CRTAC1: variants seen among roughly 807,000 people sequenced by gnomAD.
CRTAC1 encodes the protein acidic secreted protein in cartilage.
Under a neutral mutation model 67.8 loss-of-function variants are expected in CRTAC1, and 37 were observed. The observed-to-expected ratio is 0.55, with a 90% CI of 0.42 to 0.72. CRTAC1 has a LOEUF of 0.72. Ranked by LOEUF, CRTAC1 falls within the 30% of genes least tolerant of loss-of-function variation. The probability of loss-of-function intolerance (pLI) is 0.00; values close to 1 mark genes in which losing one functional copy is unlikely to be tolerated. For missense variants in CRTAC1, 780 were observed against 931.6 expected, an observed-to-expected ratio of 0.84 and a Z score of 2.12; for synonymous variants, 348 against 371.0, an observed-to-expected ratio of 0.94 and a Z score of 0.71.
chr10:97,916,625 C>T (rs1197831019), intron 5 of CRTAC1, among the ~76,000 whole-genome samples: 1 of 152,220 alleles, frequency 6.6e-6, no homozygotes, highest in Non-Finnish European at 1.5e-5. Context: ...CTGAGGGAGG[C>T]TGCCACTTTG....
intron 7 of CRTAC1, among the ~76,000 whole-genome samples, chr10:97,902,803 T>A (rs534258445): frequency 1.0e-3 from 155 of 152,098 alleles, no homozygotes; most frequent in Non-Finnish European, 1.5e-3. Flanking sequence ...GCAGGCTGGG[T>A]CAGCGGTCGA....
chr10:97,892,499 A>G (rs1008574868), intron 11 of CRTAC1, among the ~76,000 whole-genome samples: 1 of 152,206 alleles, frequency 6.6e-6, no homozygotes, highest in African/African-American at 2.4e-5. Flanking sequence ...AGGAACTCAG[A>G]CCGTGGCGTC....
chr10:97,934,946 C>T (rs2051059637), intron 3 of CRTAC1, among the ~76,000 whole-genome samples: 1 of 98,776 alleles, frequency 1.0e-5, no homozygotes, highest in African/African-American at 4.0e-5. Flanking sequence ...ATGCAAGCAT[C>T]GCGGTGGAGG....
At chr10:97,915,299 G>T (rs1386603951) in intron 5 of CRTAC1, among the ~76,000 whole-genome samples, 1 of 152,242 alleles carries the variant, frequency 6.6e-6, no homozygotes, top group Non-Finnish European at 1.5e-5. Context: ...GGGGCTCTAA[G>T]TGCTAGCTCT....
At chr10:97,902,420 C>T (rs73330702) in intron 7 of CRTAC1, among the ~76,000 whole-genome samples, 2,041 of 152,194 alleles carry the variant, frequency 0.013, 49 homozygotes, top group African/African-American at 0.046. Context: ...TTTTTTGAGA[C>T]ATTTGCTTTG....
chr10:97,902,339 G>A (rs921163826), intron 7 of CRTAC1, among the ~76,000 whole-genome samples: 24 of 152,216 alleles, frequency 1.6e-4, no homozygotes, highest in African/African-American at 5.1e-4. Flanking sequence ...AGGTGAAAGA[G>A]GTTACCTGTA....
intron 14 of CRTAC1, among the ~76,000 whole-genome samples, chr10:97,878,896 A>G (rs1361403325): frequency 6.6e-6 from 1 of 152,170 alleles, no homozygotes; most frequent in African/African-American, 2.4e-5. Flanking sequence ...CTCATCACAC[A>G]TCCTTCACTT....
chr10:98,022,608 T>C (rs574174420), intron 1 of CRTAC1, among the ~76,000 whole-genome samples: 4 of 112,448 alleles, frequency 3.6e-5, no homozygotes, highest in African/African-American at 1.4e-4. Context: ...GTCTGGGATA[T>C]GGGGTGGAGG....
intron 9 of CRTAC1, among the ~76,000 whole-genome samples, chr10:97,896,431 C>T (rs189382892): frequency 6.6e-6 from 1 of 152,162 alleles, no homozygotes; most frequent in African/African-American, 2.4e-5. Context: ...GAGAACAAGA[C>T]CCAGAGGGTA....
At chr10:97,919,215 A>G (rs2050802532) in intron 4 of CRTAC1, among the ~76,000 whole-genome samples, 1 of 152,192 alleles carries the variant, frequency 6.6e-6, no homozygotes, top group Non-Finnish European at 1.5e-5. Flanking sequence ...TGGGTGACAC[A>G]GATGTATCAA....
intron 1 of CRTAC1, among the ~76,000 whole-genome samples, chr10:98,025,449 A>T (rs986754277): frequency 2.6e-5 from 4 of 152,170 alleles, no homozygotes; most frequent in Non-Finnish European, 5.9e-5. Flanking sequence ...CGATAAGGTA[A>T]AAATCATGAG....
intron 8 of CRTAC1, among the ~76,000 whole-genome samples, chr10:97,897,904 G>A (rs891499941): frequency 2.0e-5 from 3 of 152,198 alleles, no homozygotes; most frequent in Admixed American, 2.0e-4. Flanking sequence ...AGAAACACCA[G>A]AGGGCCGTGA....
intron 2 of CRTAC1, among the ~76,000 whole-genome samples, chr10:98,002,761 C>CTGTTTTTTTTTTTTTT (rs771351655): frequency 1.9e-4 from 7 of 37,296 alleles, no homozygotes; most frequent in East Asian, 7.5e-4. Flanking sequence ...ACAAAACTCA[C>CTGTTTTTTTTTTTTTT]TTTTTTTTTT....
At chr10:97,918,674 A>T (rs2050793191) in intron 4 of CRTAC1, among the ~76,000 whole-genome samples, 1 of 152,250 alleles carries the variant, frequency 6.6e-6, no homozygotes, top group Non-Finnish European at 1.5e-5. Context: ...GCTCACAGCA[A>T]CAAGACTGGT....
rs140005302 is a variant in CRTAC1, at chr10:97,904,732, G to A, written c.933C>T (p.Gly311=). Residue 311 remains glycine (G), a synonymous_variant, in exon 7 of 15, where the codon GGC becomes GGT. Transcript: ENST00000370597. ...AGAGGCGGTGGGGGCCATTCCAGTTGCCATAGACGATGTCCACTTTGCCAT... is the reference window on the plus strand; with the variant it reads ...AGAGGCGGTGGGGGCCATTCCAGTTACCATAGACGATGTCCACTTTGCCAT... The part of the protein sequence containing the change: ...NRDGKVDIVY[G]NWNGPHRLYL... 188 of 1,606,242 alleles carry A rather than the reference G, an allele frequency of 1.2e-4. No homozygotes were observed. In the African/African-American group the frequency reaches 2.2e-3, roughly 19 times the overall value.
chr10:97,925,614 G>A (rs1043058323), intron 3 of CRTAC1, among the ~76,000 whole-genome samples: 1 of 145,708 alleles, frequency 6.9e-6, no homozygotes, highest in Admixed American at 6.8e-5. Flanking sequence ...GGGGATGAGT[G>A]AGAGTGAGTG....
chr10:97,949,626 C>A (rs1213579490), intron 2 of CRTAC1, among the ~76,000 whole-genome samples: 1 of 152,172 alleles, frequency 6.6e-6, no homozygotes, highest in Non-Finnish European at 1.5e-5. Context: ...GCGGAGAGAG[C>A]CCTGGACTTG....
At chr10:97,954,423 T>C (rs1324422418) in intron 2 of CRTAC1, among the ~76,000 whole-genome samples, 1 of 152,158 alleles carries the variant, frequency 6.6e-6, no homozygotes, top group Non-Finnish European at 1.5e-5. Context: ...GACGTTGTGA[T>C]TGCTAGAGCT....
At chr10:97,912,405 C>T (rs190291256) in intron 5 of CRTAC1, among the ~76,000 whole-genome samples, 8 of 152,256 alleles carry the variant, frequency 5.3e-5, no homozygotes, top group Admixed American at 5.2e-4. Context: ...CCTTGGAGGT[C>T]CCCATTTCCC....
Sources: allele counts gnomAD v4.1 joint callset (sites outside exome capture counted in the v4.1 genomes callset), GRCh38; gene constraint gnomAD v4.1.1; transcripts MANE v1.5; gene names NCBI Gene and HGNC (gene_info 2026-07-23, HGNC 2026-07-21).